The following RSPH14 variants were observed in gnomAD, a reference collection of about 807,000 sequenced individuals.
RSPH14 encodes rhabdoid tumor deletion region gene 1.
In RSPH14, 20 loss-of-function variants were observed where a neutral mutation model predicts 26.7. That is an observed-to-expected ratio of 0.75 (90% CI 0.53 to 1.09). RSPH14 has a LOEUF of 1.09. Ranked by LOEUF, RSPH14 falls within the 50% of genes least tolerant of loss-of-function variation. RSPH14 has a pLI of 0.00. For synonymous variants in RSPH14, 177 were observed against 189.3 expected, an observed-to-expected ratio of 0.93 and a Z score of 0.53; for missense variants, 449 against 457.2, an observed-to-expected ratio of 0.98 and a Z score of 0.16.
chr22:23,165,760 T>C, the RSPH14 span, among the ~76,000 whole-genome samples: 1 of 151,988 alleles, frequency 6.6e-6, no homozygotes, highest in African/African-American at 2.4e-5. Flanking sequence ...CTCATATGAG[T>C]GGCAGGTGGT....
chr22:23,157,631 C>T, the RSPH14 span, among the ~76,000 whole-genome samples: 3 of 152,218 alleles, frequency 2.0e-5, no homozygotes, highest in South Asian at 2.1e-4. Flanking sequence ...GTCTCGTCCT[C>T]GCCATTTTAC....
rs923972208 is a variant in RSPH14, at chr22:23,088,943, C to A, written c.422-24810G>T. Among the ~76,000 whole-genome samples the A allele has an allele frequency of 3.3e-5, 5 of 152,250 alleles. No homozygotes were observed. The East Asian group carries it at 5.8e-4, about 18-fold the overall frequency. On this transcript the variant is annotated intron_variant, in intron 4 of 6. Coordinates refer to ENST00000216036, the MANE Select transcript of RSPH14 (RefSeq NM_014433.3). The stretch of plus-strand genomic sequence containing the variant: ...GGCATGACTGCCTGTGCCTCTCCCC[C>A]AGTCACAGTCTGGGTACAGTTCCGT...
chr22:23,109,559 G>A (rs2069584570), intron 4 of RSPH14, among the ~76,000 whole-genome samples: 1 of 152,186 alleles, frequency 6.6e-6, no homozygotes, highest in Non-Finnish European at 1.5e-5. Context: ...GCCTGTGGCT[G>A]GGCCAGGAGG....
At chr22:23,112,348 G>C (rs2069680017) in intron 4 of RSPH14, among the ~76,000 whole-genome samples, 1 of 152,208 alleles carries the variant, frequency 6.6e-6, no homozygotes, top group Non-Finnish European at 1.5e-5. Flanking sequence ...GTGCTCACCA[G>C]GCCGTTTGCT....
Position 23,059,439 on chromosome 22 carries a change from A to G in RSPH14, c.*23T>C. The G allele has an allele frequency of 6.4e-7, 1 of 1,563,960 alleles. No individual in the cohort carries two copies. The highest frequency in any genetic ancestry group is 1.2e-5 in the South Asian group (1 of 86,562). On this transcript the variant is annotated 3_prime_UTR_variant, in exon 7 of 7. Transcript: ENST00000216036. ...ATAAAGAGACTTAGCACATTTATTC[A>G]CTCACAGAGGTGAATGAAGGGCTCA... is the stretch of plus-strand genomic sequence containing the variant.
At chr22:23,159,012 C>T in the RSPH14 span, 1 of 1,608,760 alleles carries the variant, frequency 6.2e-7, no homozygotes, top group Non-Finnish European at 8.5e-7. Context: ...TCTGGGTGGC[C>T]CTTGGGAAAA....
At chr22:23,146,496 G>A, upstream of RSPH14, 1 of 1,453,704 alleles carries the variant, frequency 6.9e-7, no homozygotes, top group East Asian at 2.6e-5. Context: ...ACAGGCATGA[G>A]CCACTGCACC....
chr22:23,152,156 T>TC, the RSPH14 span, among the ~76,000 whole-genome samples: 1 of 152,218 alleles, frequency 6.6e-6, no homozygotes, highest in African/African-American at 2.4e-5. Flanking sequence ...CACCCTGGCC[T>TC]CCTGCCTCTG....
upstream of RSPH14, chr22:23,145,081 G>C: frequency 2.0e-6 from 1 of 499,762 alleles, no homozygotes; most frequent in East Asian, 3.2e-5. Context: ...ATCTTCTGCA[G>C]CTGCAGGGTG....
intron 4 of RSPH14, among the ~76,000 whole-genome samples, chr22:23,093,077 C>T (rs774104792): frequency 5.9e-5 from 9 of 152,234 alleles, no homozygotes; most frequent in Non-Finnish European, 1.2e-4. Context: ...TCTCCATCCT[C>T]CATGCGCTCA....
At chr22:23,090,297 C>G (rs1217797586) in intron 4 of RSPH14, among the ~76,000 whole-genome samples, 1 of 152,106 alleles carries the variant, frequency 6.6e-6, no homozygotes, top group East Asian at 1.9e-4. Flanking sequence ...TCTCCCTGTT[C>G]CCACCCAGCC....
At chr22:23,174,004 C>T in the RSPH14 span, among the ~76,000 whole-genome samples, 1 of 152,026 alleles carries the variant, frequency 6.6e-6, no homozygotes, top group Admixed American at 6.6e-5. Flanking sequence ...GCCACTGTGC[C>T]CAGCCTCTAT....
chr22:23,159,053 C>T, the RSPH14 span: 3 of 1,584,460 alleles, frequency 1.9e-6, no homozygotes, highest in Non-Finnish European at 2.6e-6. Context: ...ATTGGAGGAG[C>T]CATGGGGAGG....
Position 23,141,983 on chromosome 22 carries a change from G to A in RSPH14, c.-87C>T, listed in dbSNP as rs2146460424. On this transcript the variant is annotated 5_prime_UTR_variant, in exon 1 of 7. Coordinates refer to ENST00000216036, the MANE Select transcript of RSPH14 (RefSeq NM_014433.3). ...CAGCCCTTTCTGCTTCCAGTAGCCCGCGCCACTGGCCAACCTATTCAGTTG... is the reference window on the plus strand; with the variant it reads ...CAGCCCTTTCTGCTTCCAGTAGCCCACGCCACTGGCCAACCTATTCAGTTG... 1 of 985,616 alleles carries A rather than the reference G, an allele frequency of 1.0e-6. No individual in the cohort carries two copies. Among genetic ancestry groups the A allele is most frequent in the South Asian group, 4.7e-5 (1 of 21,302 alleles). 61.1% of individuals were successfully genotyped at this position (985,616 alleles called of 1,614,324 possible).
At chr22:23,080,145 C>A (rs2146268221) in intron 4 of RSPH14, among the ~76,000 whole-genome samples, 1 of 152,346 alleles carries the variant, frequency 6.6e-6, no homozygotes, top group African/African-American at 2.4e-5. Flanking sequence ...GCCACCCTCT[C>A]CTCCATAGGT....
intron 4 of RSPH14, among the ~76,000 whole-genome samples, chr22:23,127,331 T>C (rs546107437): frequency 1.3e-5 from 2 of 152,340 alleles, no homozygotes; most frequent in East Asian, 3.9e-4. Flanking sequence ...AGAGTGTCCC[T>C]ATCAGTGACC....
chr22:23,059,519 G>A lies in RSPH14; in HGVS notation c.990C>T (p.Ala330=), dbSNP rs562005742. Residue 330 remains alanine (A), a synonymous_variant, in exon 7 of 7, where the codon GCC becomes GCT. Transcript: ENST00000216036. Reference sequence around the variant, plus strand: ...TCCGGGCTGCCCGCTGTAAGGCTTCGGCCACTTGAGGCTTTTCGTAAGTCT... The same window carrying A: ...TCCGGGCTGCCCGCTGTAAGGCTTCAGCCACTTGAGGCTTTTCGTAAGTCT... The part of the protein sequence containing the change: ...EVETYEKPQV[A]EALQRAARIA... The A allele has an allele frequency of 1.3e-5, 21 of 1,614,106 alleles. No homozygotes were observed. The highest frequency in any genetic ancestry group is 9.3e-5 in the African/African-American group (7 of 75,060).
the RSPH14 span, chr22:23,158,175 G>C: frequency 4.0e-6 from 6 of 1,509,130 alleles, no homozygotes; most frequent in South Asian, 2.6e-5. Context: ...GTCAGAACCA[G>C]CTGCCCACGG....
At chr22:23,070,988 AG>A (rs1355433143) in intron 4 of RSPH14, among the ~76,000 whole-genome samples, 2 of 151,602 alleles carry the variant, frequency 1.3e-5, no homozygotes, top group African/African-American at 2.4e-5. Flanking sequence ...AGGATCAGGG[AG>A]GGGCGGCCGG....
Sources: gnomAD v4.1 joint callset for allele counts (sites outside exome capture counted in the v4.1 genomes callset) on GRCh38, gnomAD v4.1.1 for gene constraint, MANE v1.5 for transcripts, NCBI Gene and HGNC (gene_info 2026-07-23, HGNC 2026-07-21) for gene names.